Variants in CTNNBL1 observed in about 807,000 individuals in gnomAD.
The protein encoded by CTNNBL1 is catenin beta like 1.
A neutral mutation model predicts 72.7 loss-of-function variants in CTNNBL1; 31 were observed. That is an observed-to-expected ratio of 0.43 (90% CI 0.32 to 0.58). CTNNBL1 has a LOEUF of 0.58. Ranked by LOEUF, CTNNBL1 falls within the 20% of genes least tolerant of loss-of-function variation. The probability of loss-of-function intolerance (pLI) is 0.08; values close to 1 mark genes in which losing one functional copy is unlikely to be tolerated. For missense variants in CTNNBL1, 534 were observed against 725.1 expected (o/e 0.74, Z 3.03); for synonymous variants, 240 against 267.3 (o/e 0.90, Z 1.00).
chr20:37,768,103 T>C, intron 7 of CTNNBL1, 59 bp downstream of exon 7: 1 of 1,400,018 alleles, frequency 7.1e-7, no homozygotes, highest in Non-Finnish European at 1.0e-6. Flanking sequence ...GCTTGATTGA[T>C]GCTGGGTTAT....
At chr20:37,714,208 T>TGGACTGTGAGTTGCTCAA (rs1241909928) in intron 1 of CTNNBL1, among the ~76,000 whole-genome samples, 2 of 152,226 alleles carry the variant, frequency 1.3e-5, no homozygotes, top group African/African-American at 4.8e-5. Context: ...CTTTTCTTAT[T>TGGACTGTGAGTTGCTCAA]GGACTGTGAG....
chr20:37,843,655 G>T (rs143872918), intron 13 of CTNNBL1, among the ~76,000 whole-genome samples: 4 of 152,102 alleles, frequency 2.6e-5, no homozygotes, highest in Non-Finnish European at 4.4e-5. Flanking sequence ...TCATTCCATC[G>T]TCCAAAAATG....
chr20:37,706,113 C>A (rs1286266901), intron 1 of CTNNBL1, among the ~76,000 whole-genome samples: 1 of 152,186 alleles, frequency 6.6e-6, no homozygotes, highest in Non-Finnish European at 1.5e-5. Flanking sequence ...AAGCTGCTAA[C>A]CATCATCTGA....
At chr20:37,871,618 T>A (rs2072585308) in intron 15 of CTNNBL1, among the ~76,000 whole-genome samples, 2 of 152,142 alleles carry the variant, frequency 1.3e-5, no homozygotes, top group Admixed American at 6.5e-5. Context: ...GGTTTCAGCA[T>A]GAGTTTTGGA....
At chr20:37,701,894 C>T (rs987346326) in intron 1 of CTNNBL1, among the ~76,000 whole-genome samples, 5 of 145,132 alleles carry the variant, frequency 3.4e-5, no homozygotes, top group African/African-American at 1.4e-4. Context: ...ACATCGTACG[C>T]TCATCTCAGC....
intron 1 of CTNNBL1, among the ~76,000 whole-genome samples, chr20:37,694,587 C>G (rs1427907278): frequency 6.6e-6 from 1 of 152,114 alleles, no homozygotes; most frequent in Non-Finnish European, 1.5e-5. Context: ...CCTCTTTGAA[C>G]CAAGTTTTTG....
chr20:37,790,295 C>T (rs935670950), intron 10 of CTNNBL1, among the ~76,000 whole-genome samples: 3 of 152,156 alleles, frequency 2.0e-5, no homozygotes, highest in African/African-American at 7.2e-5. Flanking sequence ...ATCGGAAGGT[C>T]CAAACAATAT....
At chr20:37,866,339 A>G (rs1297740847) in intron 15 of CTNNBL1, among the ~76,000 whole-genome samples, 1 of 152,200 alleles carries the variant, frequency 6.6e-6, no homozygotes, top group Non-Finnish European at 1.5e-5. Flanking sequence ...CCACTCTTGG[A>G]GAACCAACTG....
At chr20:37,761,590 G>C (rs2073417980) in intron 5 of CTNNBL1, among the ~76,000 whole-genome samples, 1 of 152,202 alleles carries the variant, frequency 6.6e-6, no homozygotes, top group Non-Finnish European at 1.5e-5. Context: ...TTGAATGCTT[G>C]ATGTGTTCCT....
chr20:37,724,338 TAAG>T (rs1208626206), intron 1 of CTNNBL1, among the ~76,000 whole-genome samples: 5 of 152,166 alleles, frequency 3.3e-5, no homozygotes, highest in South Asian at 2.1e-4. Flanking sequence ...AAGGAAGAAA[TAAG>T]AAGGATTGCT....
At position 37,842,419 on chromosome 20, in the gene CTNNBL1, C is replaced by G. The variant is rs777949416; in HGVS notation, c.1392C>G (p.His464Gln). ...ACAAGAAGATTGAAGGGGAAAAACA[C>G]GTATGTATCCCTGCCTCACTTTTGC... ...VADKKIEGEK[H>Q]DMVRRGEIID... Residue 464 changes from histidine to glutamine, a missense_variant and splice_region_variant, in exon 13 of 16, where the codon CAC (histidine) becomes CAG (glutamine). His to Gln is a conservative substitution (Grantham distance 24). Transcript: ENST00000361383. 1 of 1,610,070 alleles carries G rather than the reference C, an allele frequency of 6.2e-7. No homozygotes were observed. Among genetic ancestry groups the G allele is most frequent in the East Asian group, 2.2e-5 (1 of 44,868 alleles).
chr20:37,801,855 G>A (rs914001602), intron 10 of CTNNBL1, among the ~76,000 whole-genome samples: 8 of 152,178 alleles, frequency 5.3e-5, no homozygotes, highest in South Asian at 2.1e-4. Context: ...TAGCCAGGGC[G>A]ATTAGGCAAT....
chr20:37,779,502 G>A (rs1012178178), intron 10 of CTNNBL1, among the ~76,000 whole-genome samples, 167 bp downstream of exon 10: 1 of 151,972 alleles, frequency 6.6e-6, no homozygotes, highest in Non-Finnish European at 1.5e-5. Context: ...ATAGGTATGT[G>A]GTCTTTCCTA....
chr20:37,802,193 ATGTG>A (rs1421338609), intron 10 of CTNNBL1, among the ~76,000 whole-genome samples: 3 of 152,378 alleles, frequency 2.0e-5, no homozygotes, highest in Non-Finnish European at 4.4e-5. Flanking sequence ...AAGTACTGAT[ATGTG>A]CTACAACATG....
chr20:37,777,635 C>T lies in CTNNBL1; in HGVS notation c.824-19C>T. ...AGTTAGGTTCATTTTTTTTCTTCCTCTATTTTTTTCCCCTTTAGAAAACAG... is the reference window on the plus strand; with the variant it reads ...AGTTAGGTTCATTTTTTTTCTTCCTTTATTTTTTTCCCCTTTAGAAAACAG... On this transcript the variant is annotated intron_variant, in intron 8 of 15. Transcript: ENST00000361383. 1 of 1,612,418 alleles carries T rather than the reference C, an allele frequency of 6.2e-7. No homozygotes were observed. Among genetic ancestry groups the T allele is most frequent in the Non-Finnish European group, 8.5e-7 (1 of 1,178,634 alleles).
intron 1 of CTNNBL1, chr20:37,694,911 CACTTT>C (rs2072777813): frequency 1.3e-5 from 2 of 152,274 alleles, no homozygotes; most frequent in African/African-American, 4.8e-5. Context: ...GTTTTTCCCC[CACTTT>C]GATTCCATAG....
intron 11 of CTNNBL1, among the ~76,000 whole-genome samples, chr20:37,818,894 A>G (rs1407006314): frequency 1.3e-5 from 2 of 152,218 alleles, no homozygotes; most frequent in East Asian, 3.8e-4. Flanking sequence ...GTAACTGCCC[A>G]TAATCTGTCT....
intron 3 of CTNNBL1, among the ~76,000 whole-genome samples, chr20:37,745,372 A>G (rs2073253729): frequency 6.6e-6 from 1 of 152,228 alleles, no homozygotes; most frequent in Non-Finnish European, 1.5e-5. Flanking sequence ...TATAAGAGAC[A>G]AAGATACATT....
chr20:37,807,893 A>G (rs930063037), intron 11 of CTNNBL1, among the ~76,000 whole-genome samples: 2 of 152,124 alleles, frequency 1.3e-5, no homozygotes, highest in Non-Finnish European at 2.9e-5. Context: ...AATAGGAGGG[A>G]AGAAGAAAAG....
Sources: allele counts gnomAD v4.1 joint callset (sites outside exome capture counted in the v4.1 genomes callset), GRCh38; gene constraint gnomAD v4.1.1; transcripts MANE v1.5; gene names NCBI Gene and HGNC (gene_info 2026-07-23, HGNC 2026-07-21).